Variants in PCDHA2 observed in about 807,000 individuals in gnomAD.
The protein encoded by PCDHA2 is protocadherin alpha 2, also known as protocadherin alpha-2.
In PCDHA2, 58 loss-of-function variants were observed where a neutral mutation model predicts 66.0. That is an observed-to-expected ratio of 0.88 (90% CI 0.71 to 1.09). The LOEUF is 1.09. Among genes scored for constraint, PCDHA2 ranks in the 50% least tolerant of loss-of-function variants. The pLI is 0.00. For missense variants in PCDHA2, 1,267 were observed against 1,242.3 expected (o/e 1.02, Z -0.30); for synonymous variants, 634 against 554.0 (o/e 1.14, Z -2.03).
chr5:140,817,912 G>T (rs1554127355), intron 1 of PCDHA2, among the ~76,000 whole-genome samples: 2 of 152,064 alleles, frequency 1.3e-5, no homozygotes, highest in Non-Finnish European at 1.5e-5. Flanking sequence ...GACATTCCAT[G>T]GTCTTCTTTT....
At position 140,797,041 on chromosome 5, in the gene PCDHA2, C is replaced by T; in HGVS notation, c.2077C>T (p.Leu693=). The change falls in exon 1 of 4, where the codon CTG becomes TTG. Residue 693 remains leucine, a synonymous_variant. Coordinates refer to ENST00000526136, the MANE Select transcript of PCDHA2 (RefSeq NM_018905.3). ...GGGCGCCGCGGGCTCAGAGGCTACG[C>T]TGGTGGATGTCAACGTGTACCTGAT... is the stretch of plus-strand genomic sequence containing the variant. ...WVGAAGSEAT[L]VDVNVYLIIA... is the part of the protein sequence containing the mutation. The T allele has an allele frequency of 6.2e-7, 1 of 1,613,740 alleles. No individual in the cohort carries two copies.
At chr5:140,850,538 G>A (rs2150488632) in intron 1 of PCDHA2, 3 of 1,598,364 alleles carry the variant, frequency 1.9e-6, no homozygotes, top group Non-Finnish European at 1.7e-6. Context: ...CATCGTCGCG[G>A]GCGTCAGTGG....
At chr5:140,843,901 A>C in intron 1 of PCDHA2, 3 of 653,454 alleles carry the variant, frequency 4.6e-6, no homozygotes, top group South Asian at 2.2e-5. Context: ...ATCATTCTCC[A>C]CAAGTTGGGT....
At chr5:141,002,702 G>A (rs2153975030) in intron 3 of PCDHA2, among the ~76,000 whole-genome samples, 1 of 152,294 alleles carries the variant, frequency 6.6e-6, no homozygotes, top group South Asian at 2.1e-4. Context: ...GTTTAACTCT[G>A]TTGCACACAC....
intron 1 of PCDHA2, chr5:140,841,711 GC>G (rs2150321418): frequency 1.9e-6 from 3 of 1,613,890 alleles, no homozygotes; most frequent in Non-Finnish European, 1.7e-6. Context: ...ATGACAACCC[GC>G]CAGTGTTCCG....
chr5:140,935,995 C>T (rs1282709145), intron 1 of PCDHA2, among the ~76,000 whole-genome samples: 7 of 150,888 alleles, frequency 4.6e-5, no homozygotes, highest in South Asian at 2.1e-4. Context: ...CGGGTTCAAG[C>T]GATTCTCCCA....
intron 1 of PCDHA2, chr5:140,842,014 A>C: frequency 6.2e-7 from 1 of 1,613,836 alleles, no homozygotes; most frequent in Non-Finnish European, 8.5e-7. Flanking sequence ...TGCTGGTCAC[A>C]GTGCTGGATG....
At chr5:140,841,772 C>G (rs1359107093) in intron 1 of PCDHA2, 2 of 1,613,876 alleles carry the variant, frequency 1.2e-6, no homozygotes, top group Admixed American at 3.3e-5. Flanking sequence ...GCCAGACTCT[C>G]GGTTTCCGCT....
At chr5:140,911,153 C>T (rs921838811) in intron 1 of PCDHA2, among the ~76,000 whole-genome samples, 2 of 152,048 alleles carry the variant, frequency 1.3e-5, no homozygotes, top group Non-Finnish European at 2.9e-5. Flanking sequence ...TCTCCTCAGA[C>T]AAATGTGGAA....
At chr5:140,950,914 T>C (rs1198787949) in intron 1 of PCDHA2, among the ~76,000 whole-genome samples, 1 of 152,044 alleles carries the variant, frequency 6.6e-6, no homozygotes, top group African/African-American at 2.4e-5. Flanking sequence ...TTTATTTTAT[T>C]TCAGTTCTTT....
chr5:140,941,996 A>G (rs951664999), intron 1 of PCDHA2, among the ~76,000 whole-genome samples: 1 of 152,220 alleles, frequency 6.6e-6, no homozygotes, highest in Non-Finnish European at 1.5e-5. Flanking sequence ...AGGGATTCAT[A>G]TCTCTTATTA....
chr5:140,839,247 T>A (rs1421904889), intron 1 of PCDHA2, among the ~76,000 whole-genome samples: 1 of 152,090 alleles, frequency 6.6e-6, no homozygotes, highest in African/African-American at 2.4e-5. Flanking sequence ...GCTTTGCTTT[T>A]ATGCTTACAT....
At chr5:140,871,595 C>A in intron 1 of PCDHA2, 1 of 1,454,324 alleles carries the variant, frequency 6.9e-7, no homozygotes, top group South Asian at 1.5e-5. Context: ...TTATGAATAA[C>A]CAGTGTTTTG....
chr5:140,926,629 G>C, intron 1 of PCDHA2: 1 of 406,364 alleles, frequency 2.5e-6, no homozygotes, highest in Non-Finnish European at 4.2e-6. Flanking sequence ...GCGGCGCTGC[G>C]CTCCTCAACA....
Position 140,928,772 on chromosome 5 carries a change from C to T in PCDHA2, c.2389-50177C>T, listed in dbSNP as rs1554206297. The stretch of plus-strand genomic sequence containing the variant: ...CGTACTGCTCGCTTAGTTCTTCCCA[C>T]TGATGCAGTTAAGCAGAGGGTGGTG... On this transcript the variant is annotated intron_variant, in intron 1 of 3. Coordinates refer to ENST00000526136, the MANE Select transcript of PCDHA2 (RefSeq NM_018905.3). The T allele has an allele frequency of 2.5e-6, 4 of 1,614,054 alleles. No individual in the cohort carries two copies. The East Asian group carries it at 6.7e-5, about 27-fold the overall frequency.
At chr5:140,837,881 G>A (rs1360398902) in intron 1 of PCDHA2, among the ~76,000 whole-genome samples, 1 of 151,490 alleles carries the variant, frequency 6.6e-6, no homozygotes, top group Admixed American at 6.6e-5. Context: ...GTGGAGTCTT[G>A]TTTCCCAGGC....
intron 1 of PCDHA2, among the ~76,000 whole-genome samples, chr5:140,975,967 A>C (rs2096692306): frequency 6.6e-6 from 1 of 152,176 alleles, no homozygotes; most frequent in African/African-American, 2.4e-5. Context: ...TCACCAATAG[A>C]AAGTAAGCAT....
chr5:140,841,903 C>T lies in PCDHA2; in HGVS notation c.2388+44551C>T, dbSNP rs1318755251. ...ACGATGAGAATAAACTGGTTGAGCT[C>T]GTATTAAGAAAATCCTTGGACAGAG... On this transcript the variant is annotated intron_variant, in intron 1 of 3. Transcript: ENST00000526136. 1.4e-5 allele frequency: 22 copies of T among 1,613,682 alleles called. 1 individual carries two copies. Among genetic ancestry groups the T allele is most frequent in the Non-Finnish European group, 1.9e-5 (22 of 1,179,842 alleles).
intron 1 of PCDHA2, among the ~76,000 whole-genome samples, chr5:140,878,501 C>T (rs186968165): frequency 5.9e-5 from 9 of 152,226 alleles, no homozygotes; most frequent in Admixed American, 2.0e-4. Flanking sequence ...ACCATCTGTA[C>T]GATACAGTAC....
Sources: allele counts gnomAD v4.1 joint callset (sites outside exome capture counted in the v4.1 genomes callset), GRCh38; gene constraint gnomAD v4.1.1; transcripts MANE v1.5; gene names NCBI Gene and HGNC (gene_info 2026-07-23, HGNC 2026-07-21).